SYNPR: variants seen among roughly 807,000 people sequenced by gnomAD.
The protein encoded by SYNPR is synaptoporin.
Under a neutral mutation model 32.9 loss-of-function variants are expected in SYNPR, and 23 were observed. That is an observed-to-expected ratio of 0.70 (90% CI 0.50 to 0.99). SYNPR has a LOEUF of 0.99. Among genes scored for constraint, SYNPR ranks in the 50% least tolerant of loss-of-function variants. The probability of loss-of-function intolerance (pLI) is 0.00; values close to 1 mark genes in which losing one functional copy is unlikely to be tolerated. For missense variants in SYNPR, 318 were observed against 349.3 expected (o/e 0.91, Z 0.71); for synonymous variants, 146 against 135.9 (o/e 1.07, Z -0.52).
intron 3 of SYNPR, among the ~76,000 whole-genome samples, chr3:63,493,685 G>T (rs747266755): frequency 2.0e-5 from 3 of 151,850 alleles, no homozygotes; most frequent in African/African-American, 4.8e-5. Flanking sequence ...GCATGGTGGC[G>T]CACACCTGTA....
At chr3:63,353,175 G>A (rs1003749602) in intron 2 of SYNPR, among the ~76,000 whole-genome samples, 1 of 152,246 alleles carries the variant, frequency 6.6e-6, no homozygotes, top group Admixed American at 6.5e-5. Context: ...CTTGGCATCT[G>A]CCAAGTGCCA....
intron 1 of SYNPR, among the ~76,000 whole-genome samples, chr3:63,244,367 T>C (rs1017373905): frequency 6.6e-6 from 1 of 152,074 alleles, no homozygotes; most frequent in African/African-American, 2.4e-5. Flanking sequence ...AAAATGTAGT[T>C]TCCTGCAATA....
chr3:63,491,546 A>T (rs913700381), intron 3 of SYNPR, among the ~76,000 whole-genome samples: 1 of 152,008 alleles, frequency 6.6e-6, no homozygotes, highest in Non-Finnish European at 1.5e-5. Flanking sequence ...TTTTTGAGAC[A>T]GTCTTGCTCT....
chr3:63,376,624 A>C (rs2087899320), intron 2 of SYNPR, among the ~76,000 whole-genome samples: 1 of 152,102 alleles, frequency 6.6e-6, no homozygotes, highest in African/African-American at 2.4e-5. Context: ...CGTGATTGTG[A>C]ATCATTCTTT....
intron 1 of SYNPR, among the ~76,000 whole-genome samples, chr3:63,244,060 C>A (rs552467079): frequency 8.2e-4 from 125 of 152,160 alleles, no homozygotes; most frequent in African/African-American, 2.8e-3. Context: ...AACCATGTAG[C>A]ATTATGAGGC....
At chr3:63,473,068 A>G (rs1700834437) in intron 2 of SYNPR, among the ~76,000 whole-genome samples, 1 of 152,058 alleles carries the variant, frequency 6.6e-6, no homozygotes, top group Non-Finnish European at 1.5e-5. Flanking sequence ...CTCTTACAAC[A>G]TATGCAGACT....
chr3:63,234,597 C>T (rs547831349), intron 1 of SYNPR, among the ~76,000 whole-genome samples: 1 of 152,336 alleles, frequency 6.6e-6, no homozygotes, highest in African/African-American at 2.4e-5. Flanking sequence ...TAGCAAATCT[C>T]AGCTATACAG....
chr3:63,327,771 C>A (rs999393425), intron 2 of SYNPR, among the ~76,000 whole-genome samples: 8 of 152,052 alleles, frequency 5.3e-5, no homozygotes, highest in African/African-American at 1.9e-4. Flanking sequence ...CAGTAGCTAA[C>A]TTTTGGTGGT....
chr3:63,460,589 A>AG (rs1700565936), intron 2 of SYNPR, among the ~76,000 whole-genome samples: 1 of 149,812 alleles, frequency 6.7e-6, no homozygotes, highest in South Asian at 2.1e-4. Flanking sequence ...AAAAAAAAAA[A>AG]AAAAAAGCCA....
chr3:63,613,610 C>CAA (rs10566584), intron 5 of SYNPR, among the ~76,000 whole-genome samples: 613 of 46,034 alleles, frequency 0.013, 117 homozygotes, highest in East Asian at 0.033. Flanking sequence ...TATGCTGCAG[C>CAA]AAAAAAAAAA....
intron 2 of SYNPR, among the ~76,000 whole-genome samples, chr3:63,404,070 G>A (rs1284262090): frequency 1.3e-5 from 2 of 152,198 alleles, no homozygotes; most frequent in Non-Finnish European, 2.9e-5. Context: ...GAGCCCAGGT[G>A]TTAGGATCCT....
intron 2 of SYNPR, among the ~76,000 whole-genome samples, chr3:63,336,600 A>G (rs986699373): frequency 2.7e-5 from 4 of 148,286 alleles, no homozygotes; most frequent in Non-Finnish European, 6.0e-5. Flanking sequence ...ACAAAATTTA[A>G]CTCAAAATAG....
At chr3:63,443,662 A>C (rs1336057633) in intron 2 of SYNPR, among the ~76,000 whole-genome samples, 2 of 152,192 alleles carry the variant, frequency 1.3e-5, no homozygotes, top group Non-Finnish European at 2.9e-5. Flanking sequence ...GGCTGTGTTG[A>C]TACTGAAATG....
intron 3 of SYNPR, among the ~76,000 whole-genome samples, chr3:63,503,319 A>G (rs1487421332): frequency 6.6e-6 from 1 of 151,988 alleles, no homozygotes; most frequent in Non-Finnish European, 1.5e-5. Context: ...GTTGAGGTTT[A>G]GAAGTTTTTT....
the SYNPR span, among the ~76,000 whole-genome samples, chr3:63,201,610 C>T: frequency 6.6e-6 from 1 of 151,818 alleles, no homozygotes; most frequent in East Asian, 1.9e-4. Flanking sequence ...TTTACAGATA[C>T]TTGATGGAAG....
At chr3:63,524,192 A>G (rs192359475) in intron 3 of SYNPR, among the ~76,000 whole-genome samples, 261 of 152,308 alleles carry the variant, frequency 1.7e-3, no homozygotes, top group Admixed American at 3.4e-3. Context: ...GTAACCAAAT[A>G]GTAATAATAA....
intron 3 of SYNPR, among the ~76,000 whole-genome samples, chr3:63,540,580 G>A (rs1033501815): frequency 6.6e-6 from 1 of 151,518 alleles, no homozygotes; most frequent in Non-Finnish European, 1.5e-5. Context: ...AAGAGGGAAG[G>A]GGAAATGGTT....
intron 2 of SYNPR, among the ~76,000 whole-genome samples, chr3:63,404,195 A>T (rs1002387454): frequency 6.6e-6 from 1 of 152,208 alleles, no homozygotes; most frequent in Non-Finnish European, 1.5e-5. Context: ...ATTAGATGTC[A>T]ACAATAATTA....
chr3:63,482,308 A>G (rs1229227026), intron 3 of SYNPR, among the ~76,000 whole-genome samples: 2 of 152,330 alleles, frequency 1.3e-5, no homozygotes, highest in African/African-American at 4.8e-5. Flanking sequence ...CCCCTCATTT[A>G]AAAGATTTTT....
Sources: gnomAD v4.1 joint callset for allele counts (sites outside exome capture counted in the v4.1 genomes callset) on GRCh38, gnomAD v4.1.1 for gene constraint, MANE v1.5 for transcripts, NCBI Gene and HGNC (gene_info 2026-07-23, HGNC 2026-07-21) for gene names.